ROBO1: variants seen among roughly 807,000 people sequenced by gnomAD.
ROBO1 encodes the protein roundabout guidance receptor 1.
Under a neutral mutation model 195.9 loss-of-function variants are expected in ROBO1, and 149 were observed. That is an observed-to-expected ratio of 0.76 (90% CI 0.67 to 0.87). The LOEUF (loss-of-function observed/expected upper bound fraction) is 0.87. Ranked by LOEUF, ROBO1 falls within the 40% of genes least tolerant of loss-of-function variation. ROBO1 has a pLI of 0.00. For synonymous variants in ROBO1, 816 were observed against 733.2 expected, an observed-to-expected ratio of 1.11 and a Z score of -1.82; for missense variants, 1,933 against 2,068.3, an observed-to-expected ratio of 0.93 and a Z score of 1.27.
chr3:79,170,297 T>A (rs925294633), intron 2 of ROBO1, among the ~76,000 whole-genome samples: 2 of 152,166 alleles, frequency 1.3e-5, no homozygotes, highest in Non-Finnish European at 2.9e-5. Context: ...TGTTAACACA[T>A]GAATGCTGTC....
chr3:78,785,032 G>A (rs556205516), intron 4 of ROBO1, among the ~76,000 whole-genome samples: 1 of 152,312 alleles, frequency 6.6e-6, no homozygotes, highest in South Asian at 2.1e-4. Flanking sequence ...AATTTGCACA[G>A]CTTATTCATT....
chr3:78,874,364 C>A (rs1045152036), intron 4 of ROBO1, among the ~76,000 whole-genome samples: 1 of 151,634 alleles, frequency 6.6e-6, no homozygotes, highest in Admixed American at 6.6e-5. Flanking sequence ...AAATTCATAG[C>A]CTTTTAATAA....
At position 79,598,938 on chromosome 3, in the gene ROBO1, T is replaced by C. The variant is rs72906000; in HGVS notation, c.-50-8977A>G. On this transcript the variant is annotated intron_variant, in intron 1 of 30. Transcript: ENST00000464233. ...CCTGTCCATGTGACAACTTCACTGC[T>C]GGCACAACCAGCATTCGAGAAAGCC... Among the ~76,000 whole-genome samples, 1,008 of 152,210 alleles carry C rather than the reference T, an allele frequency of 6.6e-3. 9 individuals carry two copies. The highest frequency in any genetic ancestry group is 0.023 in the African/African-American group (951 of 41,558).
chr3:79,651,385 T>C (rs2106749441), intron 1 of ROBO1, among the ~76,000 whole-genome samples: 1 of 152,270 alleles, frequency 6.6e-6, no homozygotes, highest in Admixed American at 6.5e-5. Flanking sequence ...AGGCTTATGG[T>C]ACTTCCAAAT....
At chr3:79,574,679 T>C (rs1291625824) in intron 2 of ROBO1, among the ~76,000 whole-genome samples, 1 of 151,960 alleles carries the variant, frequency 6.6e-6, no homozygotes, top group East Asian at 1.9e-4. Context: ...TAATAATTTC[T>C]TTAGTTGATA....
intron 1 of ROBO1, among the ~76,000 whole-genome samples, chr3:79,635,873 T>G (rs1036636875): frequency 3.3e-5 from 5 of 152,178 alleles, no homozygotes; most frequent in African/African-American, 9.6e-5. Flanking sequence ...ATTAAATTAA[T>G]AGTAAACAAA....
chr3:79,069,441 G>A (rs1264014037), intron 3 of ROBO1, among the ~76,000 whole-genome samples: 1 of 151,746 alleles, frequency 6.6e-6, no homozygotes, highest in East Asian at 1.9e-4. Flanking sequence ...AACACCTATT[G>A]ATGCCCCACC....
intron 4 of ROBO1, among the ~76,000 whole-genome samples, chr3:78,756,267 G>A (rs430300): frequency 0.99 from 150,752 of 152,258 alleles, 74,655 homozygotes; most frequent in East Asian, 1. Flanking sequence ...AACTCAAAAC[G>A]TGGGTCATTT....
intron 3 of ROBO1, among the ~76,000 whole-genome samples, chr3:79,066,860 A>C (rs1039390803): frequency 6.6e-6 from 1 of 151,930 alleles, no homozygotes; most frequent in African/African-American, 2.4e-5. Context: ...ATTTGGCTGG[A>C]ATACATTTGA....
intron 10 of ROBO1, among the ~76,000 whole-genome samples, chr3:78,676,836 T>C (rs548687247): frequency 1.3e-5 from 2 of 152,082 alleles, no homozygotes; most frequent in Non-Finnish European, 2.9e-5. Context: ...GCCACAAATA[T>C]ACTCCTCGAG....
intron 2 of ROBO1, among the ~76,000 whole-genome samples, chr3:79,286,200 A>C (rs909145578): frequency 1.3e-5 from 2 of 152,176 alleles, no homozygotes; most frequent in Non-Finnish European, 2.9e-5. Flanking sequence ...TGAAAAATCT[A>C]ACTGGCATTT....
In ROBO1 at chr3:78,849,951, C is replaced by T. The variant is rs527318891; in HGVS notation, c.499+88650G>A. Among the ~76,000 whole-genome samples, 27 of 151,770 alleles carry T rather than the reference C, an allele frequency of 1.8e-4. No individual in the cohort carries two copies. The South Asian group carries it at 4.8e-3, about 27-fold the overall frequency. On this transcript the variant is annotated intron_variant, in intron 4 of 30. Coordinates refer to ENST00000464233, the MANE Select transcript of ROBO1 (RefSeq NM_002941.4). ...CAACTGTGGTCTCAAAATATTATAA[C>T]GTAGTTTACTATACCTTTTCTGTGT...
Position 79,630,984 on chromosome 3 carries a change from G to T in ROBO1, c.-50-41023C>A, listed in dbSNP as rs577862091. On this transcript the variant is annotated intron_variant, in intron 1 of 30. Transcript: ENST00000464233. The stretch of plus-strand genomic sequence containing the variant: ...AGGAAAGACATTGGGATGACAAAAA[G>T]AAATGGAAAACCATCCCATGTTTAC... Among the ~76,000 whole-genome samples the T allele has an allele frequency of 1.1e-4, 17 of 151,810 alleles. No homozygotes were observed. The South Asian group carries it at 3.5e-3, about 32-fold the overall frequency.
chr3:78,962,823 CAAAAAAAAAAAA>C (rs770515270), intron 3 of ROBO1, among the ~76,000 whole-genome samples: 51 of 26,196 alleles, frequency 1.9e-3, no homozygotes, highest in Non-Finnish European at 3.5e-3. Context: ...GACTCCATCT[CAAAAAAAAAAAA>C]AAAAAAAAAA....
intron 1 of ROBO1, among the ~76,000 whole-genome samples, chr3:79,710,094 G>T (rs1488170405): frequency 6.6e-6 from 1 of 152,086 alleles, no homozygotes; most frequent in Non-Finnish European, 1.5e-5. Context: ...AGAAGCTGAA[G>T]AAATAATTGA....
chr3:79,714,121 A>G (rs1201681954), intron 1 of ROBO1, among the ~76,000 whole-genome samples: 2 of 152,126 alleles, frequency 1.3e-5, no homozygotes, highest in African/African-American at 4.8e-5. Context: ...TAATATCCAG[A>G]ATCTACAATG....
intron 4 of ROBO1, among the ~76,000 whole-genome samples, chr3:78,835,110 G>T (rs917182524): frequency 6.6e-6 from 1 of 152,038 alleles, no homozygotes; most frequent in Non-Finnish European, 1.5e-5. Context: ...AGATGTTTTT[G>T]TCATCTAGTT....
intron 3 of ROBO1, among the ~76,000 whole-genome samples, chr3:79,106,711 A>ACCC (rs1295766092): frequency 6.6e-6 from 1 of 151,582 alleles, no homozygotes; most frequent in African/African-American, 2.4e-5. Flanking sequence ...AGCAATACAG[A>ACCC]CACTAAAAAA....
intron 2 of ROBO1, among the ~76,000 whole-genome samples, chr3:79,502,289 C>G (rs948561593): frequency 6.6e-6 from 1 of 152,086 alleles, no homozygotes; most frequent in Admixed American, 6.5e-5. Flanking sequence ...GGGCTGCGCG[C>G]GGCGCTTGCG....
Sources: allele counts gnomAD v4.1 joint callset (sites outside exome capture counted in the v4.1 genomes callset), GRCh38; gene constraint gnomAD v4.1.1; transcripts MANE v1.5; gene names NCBI Gene and HGNC (gene_info 2026-07-23, HGNC 2026-07-21).